PUDP: variants seen among roughly 807,000 people sequenced by gnomAD.
PUDP encodes the protein pseudouridine-5'-phosphatase.
Under a neutral mutation model 9.4 loss-of-function variants are expected in PUDP, and 8 were observed. The ratio of observed to expected loss-of-function variants is 0.85; its 90% CI spans 0.50 to 1.53. The LOEUF (loss-of-function observed/expected upper bound fraction) is 1.53. Ranked by LOEUF, PUDP falls within the 40% of genes most tolerant of loss-of-function variation. The probability of loss-of-function intolerance (pLI) is 0.00; values close to 1 mark genes in which losing one functional copy is unlikely to be tolerated. For missense variants in PUDP, 188 were observed against 189.7 expected (o/e 0.99, Z 0.05); for synonymous variants, 99 against 80.7 (o/e 1.23, Z -1.22).
chrX:7,144,988 C>G (rs1174803614), intron 1 of PUDP, among the ~76,000 whole-genome samples: 3 of 111,012 alleles, frequency 2.7e-5, no homozygotes, highest in Non-Finnish European at 1.9e-5. Flanking sequence ...TAGCCATTAT[C>G]AACAGACATC....
At chrX:6,880,720 T>C (rs760185601) in intron 3 of PUDP, among the ~76,000 whole-genome samples, 2 of 111,924 alleles carry the variant, frequency 1.8e-5, no homozygotes, top group South Asian at 3.8e-4. Flanking sequence ...CTATTCCAAA[T>C]AATGAGCCTT....
chrX:7,077,655 G>T (rs181575485), intron 2 of PUDP, among the ~76,000 whole-genome samples: 85 of 112,392 alleles, frequency 7.6e-4, no homozygotes, highest in Admixed American at 2.9e-3. Context: ...AATCAAAAAA[G>T]CTATTGGCGG....
At chrX:6,793,001 C>T (rs746818690) in intron 3 of PUDP, among the ~76,000 whole-genome samples, 1 of 112,644 alleles carries the variant, frequency 8.9e-6, no homozygotes, top group Non-Finnish European at 1.9e-5. Flanking sequence ...TCTGTTCGTG[C>T]AGCTATAGCA....
At chrX:6,792,188 C>T (rs149236520) in intron 3 of PUDP, among the ~76,000 whole-genome samples, 54 of 110,404 alleles carry the variant, frequency 4.9e-4, no homozygotes, top group African/African-American at 1.5e-3. Context: ...ATAATGTGTA[C>T]GTTCTTAAGA....
intron 3 of PUDP, among the ~76,000 whole-genome samples, chrX:6,808,719 C>T (rs1408929400): frequency 1.8e-5 from 2 of 112,072 alleles, no homozygotes; most frequent in East Asian, 5.6e-4. Flanking sequence ...TATCTGCACA[C>T]AGTGAAAGAA....
At chrX:6,723,717 A>C (rs1484391488), upstream of PUDP, among the ~76,000 whole-genome samples, 2 of 87,324 alleles carry the variant, frequency 2.3e-5, no homozygotes, top group Middle Eastern at 5.1e-3. Flanking sequence ...CAAAACAAAA[A>C]AACGCCTGAT....
intron 3 of PUDP, 64 bp downstream of exon 3, chrX:7,077,154 CTA>C (rs1174448808): frequency 8.7e-7 from 1 of 1,153,336 alleles, no homozygotes; most frequent in Non-Finnish European, 1.2e-6. Flanking sequence ...TTAGCAAACA[CTA>C]CATGGATATT....
chrX:7,050,619 T>C (rs1930075211), intron 3 of PUDP, 147 bp from the exon 4 acceptor site: 1 of 547,300 alleles, frequency 1.8e-6, no homozygotes, highest in African/African-American at 2.3e-5. Context: ...GAGATTGTGG[T>C]GAGGACAGCA....
At position 6,728,122 on chromosome X, in the gene PUDP, A is replaced by G. The variant is rs535886681; in HGVS notation, c.*248-21656T>C. Reference sequence around the variant, plus strand: ...AAAGGCATGTGTTACATGGTGGCAGACAAGAGAGAATGAGAACCAAGGAAA... The same window carrying G: ...AAAGGCATGTGTTACATGGTGGCAGGCAAGAGAGAATGAGAACCAAGGAAA... On this transcript the variant is annotated intron_variant and NMD_transcript_variant, in intron 3 of 3. Coordinates refer to the PUDP transcript ENST00000655425. Among the ~76,000 whole-genome samples, 106 of 111,167 alleles carry G rather than the reference A, an allele frequency of 9.5e-4. 3 individuals carry two copies. In the South Asian group the frequency reaches 0.028, roughly 29 times the overall value.
At chrX:6,858,059 T>A (rs768831957) in intron 3 of PUDP, among the ~76,000 whole-genome samples, 1 of 111,429 alleles carries the variant, frequency 9.0e-6, no homozygotes, top group South Asian at 3.8e-4. Context: ...TTGGGGGGAT[T>A]TTCATCTGCC....
At chrX:7,122,215 A>ATGTGTGTG (rs62871862) in intron 1 of PUDP, among the ~76,000 whole-genome samples, 279 of 99,956 alleles carry the variant, frequency 2.8e-3, no homozygotes, top group African/African-American at 9.9e-3. Flanking sequence ...AAACCCATAT[A>ATGTGTGTG]TGTGTGTGTG....
intron 1 of PUDP, among the ~76,000 whole-genome samples, chrX:7,001,147 T>C (rs1270126227): frequency 9.1e-6 from 1 of 110,321 alleles, no homozygotes; most frequent in Non-Finnish European, 1.9e-5. Flanking sequence ...CTTGTATATC[T>C]TAATACTGGC....
At chrX:6,945,057 C>G (rs940415470) in intron 3 of PUDP, among the ~76,000 whole-genome samples, 2 of 111,892 alleles carry the variant, frequency 1.8e-5, no homozygotes, top group African/African-American at 6.5e-5. Flanking sequence ...CTCTGCCTCC[C>G]TGCCTTTTAA....
chrX:6,831,945 G>A (rs1468883775), intron 3 of PUDP, among the ~76,000 whole-genome samples: 1 of 111,697 alleles, frequency 9.0e-6, no homozygotes, highest in Non-Finnish European at 1.9e-5. Context: ...CAGAAGTGAA[G>A]CCAATCATAT....
chrX:7,089,839 T>C (rs1200075042), intron 2 of PUDP, among the ~76,000 whole-genome samples: 1 of 111,569 alleles, frequency 9.0e-6, no homozygotes, highest in Non-Finnish European at 1.9e-5. Context: ...TGGCCCCTGA[T>C]AGCAAACAAA....
intron 1 of PUDP, among the ~76,000 whole-genome samples, chrX:7,119,329 A>G (rs1932277359): frequency 8.9e-6 from 1 of 112,713 alleles, no homozygotes; most frequent in Non-Finnish European, 1.9e-5. Flanking sequence ...TGTGCTTTAT[A>G]TATACAGGAT....
At chrX:6,755,888 T>A (rs1033305658) in intron 3 of PUDP, among the ~76,000 whole-genome samples, 1 of 109,378 alleles carries the variant, frequency 9.1e-6, no homozygotes, top group Non-Finnish European at 1.9e-5. Flanking sequence ...AAAAAAAAAA[T>A]AATGAGTTAC....
At chrX:6,756,148 AAG>A (rs1190964293) in intron 3 of PUDP, among the ~76,000 whole-genome samples, 1 of 111,203 alleles carries the variant, frequency 9.0e-6, no homozygotes, top group African/African-American at 3.3e-5. Context: ...AGGTGGGGAA[AAG>A]AGTTTCAGAA....
chrX:6,779,352 C>T (rs1381756749), intron 3 of PUDP, among the ~76,000 whole-genome samples: 1 of 112,048 alleles, frequency 8.9e-6, no homozygotes, highest in Non-Finnish European at 1.9e-5. Flanking sequence ...GAAAGCAAAG[C>T]TTTGCTGTGC....
Sources: gnomAD v4.1 joint callset for allele counts (sites outside exome capture counted in the v4.1 genomes callset) on GRCh38, gnomAD v4.1.1 for gene constraint, MANE v1.5 for transcripts, NCBI Gene and HGNC (gene_info 2026-07-23, HGNC 2026-07-21) for gene names.